The following CNNM2 variants were observed in gnomAD, a reference collection of about 807,000 sequenced individuals.
CNNM2 encodes the protein cyclin and CBS domain divalent metal cation transport mediator 2.
A neutral mutation model predicts 66.9 loss-of-function variants in CNNM2; 12 were observed. The ratio of observed to expected loss-of-function variants is 0.18; its 90% CI spans 0.11 to 0.29. The LOEUF (loss-of-function observed/expected upper bound fraction) is 0.29. CNNM2 is among the 10% of genes least tolerant of loss of function. The pLI, the probability that CNNM2 is intolerant of heterozygous loss-of-function variation, is 1.00. For missense variants in CNNM2, 705 were observed against 1,167.7 expected (o/e 0.60, Z 5.77); for synonymous variants, 557 against 501.8 (o/e 1.11, Z -1.47).
intron 1 of CNNM2, among the ~76,000 whole-genome samples, chr10:102,971,091 C>G (rs1406688284): frequency 6.6e-6 from 1 of 151,360 alleles, no homozygotes; most frequent in Non-Finnish European, 1.5e-5. Flanking sequence ...CCTGGTTACT[C>G]AGTAGGCTGA....
At chr10:103,049,966 G>T (rs919624532) in intron 2 of CNNM2, 116 bp downstream of exon 2, 1 of 946,604 alleles carries the variant, frequency 1.1e-6, no homozygotes, top group Non-Finnish European at 1.6e-6. Context: ...CACATGATGT[G>T]TGTAGGCCGT....
chr10:102,952,381 G>A (rs983095166), intron 1 of CNNM2, among the ~76,000 whole-genome samples: 3 of 152,094 alleles, frequency 2.0e-5, no homozygotes, highest in Non-Finnish European at 4.4e-5. Context: ...TGGTTAACAT[G>A]GTGAAACCCC....
intron 1 of CNNM2, among the ~76,000 whole-genome samples, chr10:103,040,308 TA>T (rs1387558731): frequency 6.6e-6 from 1 of 151,460 alleles, no homozygotes; most frequent in East Asian, 1.9e-4. Context: ...AAGAGCAAGG[TA>T]AAAAAGGATT....
At chr10:102,954,685 T>C (rs1163974963) in intron 1 of CNNM2, among the ~76,000 whole-genome samples, 1 of 152,152 alleles carries the variant, frequency 6.6e-6, no homozygotes, top group Non-Finnish European at 1.5e-5. Flanking sequence ...CCAGGAATTT[T>C]CGGGGAGAAA....
chr10:103,058,223 GT>G (rs200661452), intron 4 of CNNM2, among the ~76,000 whole-genome samples: 1 of 148,700 alleles, frequency 6.7e-6, no homozygotes, highest in East Asian at 1.9e-4. Flanking sequence ...TTCCTCAATT[GT>G]TTTTTTTCTT....
At chr10:102,928,128 G>A (rs972407697) in intron 1 of CNNM2, among the ~76,000 whole-genome samples, 1 of 152,152 alleles carries the variant, frequency 6.6e-6, no homozygotes, top group Non-Finnish European at 1.5e-5. Flanking sequence ...ATGGTACTTA[G>A]TAAGAATTAT....
intron 2 of CNNM2, among the ~76,000 whole-genome samples, chr10:103,052,091 A>G (rs1464457390): frequency 1.3e-5 from 2 of 151,856 alleles, no homozygotes; most frequent in Non-Finnish European, 2.9e-5. Context: ...CCTGGTCAAC[A>G]TGGTGAAACC....
rs540856304 is a variant in CNNM2 at position 102,940,013 on chromosome 10, G to A, written c.1621+19912G>A. 2.3e-5 allele frequency among the ~76,000 whole-genome samples: 3 copies of A among 128,730 alleles called. No individual in the cohort carries two copies. In the East Asian group the frequency reaches 6.8e-4, roughly 29 times the overall value. 84.5% of individuals were successfully genotyped at this position (128,730 alleles called of 152,430 possible). A position where few individuals can be genotyped will look rare whatever the true frequency, so the allele number is the denominator to read the frequency against. ...CAACAACAACAACAAAAAAAAAACC[G>A]CCATGTAGGAGACGGCCAAAGAGGA... On this transcript the variant is annotated intron_variant, in intron 1 of 7. Transcript: ENST00000369878.
chr10:103,073,109 G>A (rs2065621502), intron 6 of CNNM2, among the ~76,000 whole-genome samples: 1 of 152,248 alleles, frequency 6.6e-6, no homozygotes, highest in Non-Finnish European at 1.5e-5. Context: ...CCGTCGAGCT[G>A]TTGAAAGGGA....
At chr10:102,956,175 C>T (rs561159719) in intron 1 of CNNM2, among the ~76,000 whole-genome samples, 99 of 151,878 alleles carry the variant, frequency 6.5e-4, no homozygotes, top group Admixed American at 1.7e-3. Flanking sequence ...GTAGTCCCAG[C>T]TGCTCGGGAG....
rs7082375 is a variant in CNNM2 at position 103,009,165 on chromosome 10, A to G, written c.1622-40542A>G. Among the ~76,000 whole-genome samples, 46,889 of 151,970 alleles carry G rather than the reference A, an allele frequency of 0.31. 7,387 individuals carry two copies. Among genetic ancestry groups the G allele is most frequent in the Middle Eastern group, 0.37 (109 of 292 alleles). On this transcript the variant is annotated intron_variant, in intron 1 of 7. Transcript: ENST00000369878. ...GTGGCGCATGCCTGTTATCCCAGCT[A>G]CTTGGGAGGCTGAGGCAGGAGAAGC...
At position 102,954,389 on chromosome 10, in the gene CNNM2, G is replaced by A. The variant is rs113050307; in HGVS notation, c.1621+34288G>A. Among the ~76,000 whole-genome samples, 1,939 of 151,910 alleles carry A rather than the reference G, an allele frequency of 0.013. 18 individuals are homozygous for A. The highest frequency in any genetic ancestry group is 0.02 in the Non-Finnish European group (1,362 of 67,928). On this transcript the variant is annotated intron_variant, in intron 1 of 7. Coordinates refer to ENST00000369878, the MANE Select transcript of CNNM2 (RefSeq NM_017649.5). Reference sequence around the variant, plus strand: ...CCACTTTGGTCTCCCAAAATGCTGGGAATACAGGCATGAGACACCGTGCCT... The same window carrying A: ...CCACTTTGGTCTCCCAAAATGCTGGAAATACAGGCATGAGACACCGTGCCT...
At chr10:103,057,491 T>A (rs2065315729) in intron 4 of CNNM2, among the ~76,000 whole-genome samples, 1 of 151,146 alleles carries the variant, frequency 6.6e-6, no homozygotes, top group Admixed American at 6.6e-5. Context: ...GTTGGGGGGA[T>A]GCACCTAGTG....
At position 103,077,849 on chromosome 10, in the gene CNNM2, C is replaced by T. The variant is rs1403708004; in HGVS notation, c.*669C>T. On this transcript the variant is annotated 3_prime_UTR_variant, in exon 8 of 8. Coordinates refer to ENST00000369878, the MANE Select transcript of CNNM2 (RefSeq NM_017649.5). ...GAGAATTTAATGTTTAACTGTACCC[C>T]TTTCCCTCAGGAAGATTTAACATTT... The T allele has an allele frequency of 6.5e-6, 1 of 152,688 alleles. No homozygotes were observed. Among genetic ancestry groups the T allele is most frequent in the Non-Finnish European group, 1.5e-5 (1 of 68,062 alleles). The allele number at this position is 152,688 out of a possible 1,614,324, so 9.5% of individuals were successfully genotyped here.
chr10:103,007,325 C>A (rs2134264863), intron 1 of CNNM2, among the ~76,000 whole-genome samples: 1 of 152,288 alleles, frequency 6.6e-6, no homozygotes, highest in South Asian at 2.1e-4. Flanking sequence ...CAGTGGTACA[C>A]ATGTTGTCTT....
intron 1 of CNNM2, among the ~76,000 whole-genome samples, chr10:102,951,634 T>C (rs1036607687): frequency 4.0e-5 from 6 of 151,732 alleles, no homozygotes; most frequent in Non-Finnish European, 7.4e-5. Context: ...AGAAACTTTT[T>C]TTTTTCTTTT....
At chr10:102,956,157 G>A (rs1196481926) in intron 1 of CNNM2, among the ~76,000 whole-genome samples, 3 of 152,050 alleles carry the variant, frequency 2.0e-5, no homozygotes, top group Non-Finnish European at 2.9e-5. Context: ...GCGTGGTGGC[G>A]GGCGCCTGTA....
chr10:102,954,043 G>C (rs568263916), intron 1 of CNNM2, among the ~76,000 whole-genome samples: 1 of 151,930 alleles, frequency 6.6e-6, no homozygotes, highest in South Asian at 2.1e-4. Context: ...GGCATAGTAA[G>C]AATTGAACCC....
In CNNM2 at chr10:102,925,351, A is replaced by C. The variant is rs111426607; in HGVS notation, c.1621+5250A>C. ...AGATTTACTTGGGTCACTTAATAAGAGTAAGGTCTTAGGCCTCACCCAGAG... is the reference window on the plus strand; with the variant it reads ...AGATTTACTTGGGTCACTTAATAAGCGTAAGGTCTTAGGCCTCACCCAGAG... On this transcript the variant is annotated intron_variant, in intron 1 of 7. Transcript: ENST00000369878. Among the ~76,000 whole-genome samples the C allele has an allele frequency of 0.047, 6,977 of 147,398 alleles. 173 individuals are homozygous for C. Among genetic ancestry groups the C allele is most frequent in the Non-Finnish European group, 0.056 (3,767 of 66,698 alleles).
Sources: allele counts gnomAD v4.1 joint callset (sites outside exome capture counted in the v4.1 genomes callset), GRCh38; gene constraint gnomAD v4.1.1; transcripts MANE v1.5; gene names NCBI Gene and HGNC (gene_info 2026-07-23, HGNC 2026-07-21).